Variants in PARPBP observed in about 807,000 individuals in gnomAD.
The protein encoded by PARPBP is PCNA-interacting partner.
In PARPBP, 52 loss-of-function variants were observed where a neutral mutation model predicts 50.0. The ratio of observed to expected loss-of-function variants is 1.04; its 90% CI spans 0.83 to 1.31. PARPBP has a LOEUF of 1.31. PARPBP is among the 50% of genes most tolerant of loss of function. The pLI is 0.00. For missense variants in PARPBP, 697 were observed against 672.0 expected (o/e 1.04, Z -0.41); for synonymous variants, 244 against 232.1 (o/e 1.05, Z -0.47).
chr12:102,186,750 A>G (rs1890338579), intron 9 of PARPBP, among the ~76,000 whole-genome samples: 1 of 152,104 alleles, frequency 6.6e-6, no homozygotes, highest in South Asian at 2.1e-4. Flanking sequence ...CCTTATTCTG[A>G]GTCTAATGTT....
At chr12:102,193,178 G>A (rs1382929390) in intron 9 of PARPBP, among the ~76,000 whole-genome samples, 4 of 151,756 alleles carry the variant, frequency 2.6e-5, no homozygotes, top group East Asian at 1.9e-4. Flanking sequence ...GAGCTATTGC[G>A]CTTATTTTGT....
chr12:102,192,183 T>C (rs1194678148), intron 9 of PARPBP, among the ~76,000 whole-genome samples: 7 of 152,158 alleles, frequency 4.6e-5, no homozygotes, highest in Non-Finnish European at 1.0e-4. Context: ...TTCTGAGATA[T>C]CTAATTGAAC....
At chr12:102,178,829 A>C in intron 8 of PARPBP, 59 bp downstream of exon 8, 1 of 1,136,898 alleles carries the variant, frequency 8.8e-7, no homozygotes, top group Non-Finnish European at 1.2e-6. Context: ...TTATAAAAGA[A>C]ATGTATGCTT....
intron 2 of PARPBP, among the ~76,000 whole-genome samples, chr12:102,145,781 G>T (rs188756592): frequency 7.1e-4 from 108 of 152,212 alleles, no homozygotes; most frequent in African/African-American, 2.5e-3. Flanking sequence ...CTTATAGAAA[G>T]AAACCTGTGT....
rs1240762359 is a variant in PARPBP, at chr12:102,196,990, C to T, written c.*699C>T. 1 of 1,611,212 alleles carries T rather than the reference C, an allele frequency of 6.2e-7. No individual in the cohort carries two copies. Among genetic ancestry groups the T allele is most frequent in the South Asian group, 1.1e-5 (1 of 90,986 alleles). ...CTACTCACTGTCAAAATCTCTCCTT[C>T]CTATAGGAAATTTAGCTGAGTTTTC... On this transcript the variant is annotated 3_prime_UTR_variant, in exon 11 of 11. Transcript: ENST00000327680.
chr12:102,123,144 AAAT>A (rs1254698388), intron 1 of PARPBP, among the ~76,000 whole-genome samples: 1 of 152,202 alleles, frequency 6.6e-6, no homozygotes, highest in African/African-American at 2.4e-5. Flanking sequence ...ATTGGGGGCT[AAAT>A]GCAAAGGCAT....
chr12:102,195,551 G>T (rs1461872751), intron 10 of PARPBP, 104 bp downstream of exon 10: 26 of 827,518 alleles, frequency 3.1e-5, no homozygotes, highest in Non-Finnish European at 5.0e-5. Context: ...ACTATGAAAT[G>T]TAAAGGGTAA....
At chr12:102,134,823 C>A (rs1409645245) in intron 2 of PARPBP, among the ~76,000 whole-genome samples, 1 of 152,078 alleles carries the variant, frequency 6.6e-6, no homozygotes, top group East Asian at 1.9e-4. Flanking sequence ...ACTACAGGTA[C>A]GTACCACCAT....
chr12:102,167,202 T>C (rs972483679), intron 6 of PARPBP, among the ~76,000 whole-genome samples: 1 of 152,190 alleles, frequency 6.6e-6, no homozygotes, highest in Non-Finnish European at 1.5e-5. Context: ...TTTTAATTGG[T>C]AAACCCCTTA....
intron 9 of PARPBP, among the ~76,000 whole-genome samples, chr12:102,183,419 A>G (rs975502759): frequency 6.6e-6 from 1 of 152,136 alleles, no homozygotes; most frequent in African/African-American, 2.4e-5. Flanking sequence ...TAAATTACCA[A>G]AGCTTTTAGT....
chr12:102,123,197 G>A (rs894121260), intron 1 of PARPBP, among the ~76,000 whole-genome samples: 1 of 152,186 alleles, frequency 6.6e-6, no homozygotes, highest in Non-Finnish European at 1.5e-5. Flanking sequence ...ACTCGCAAGT[G>A]TTTAGCATAA....
chr12:102,171,127 C>T (rs1888674456), intron 6 of PARPBP, among the ~76,000 whole-genome samples: 1 of 151,136 alleles, frequency 6.6e-6, no homozygotes, highest in South Asian at 2.1e-4. Flanking sequence ...AAGGACCTGC[C>T]TGAGACTATT....
At chr12:102,138,903 G>A (rs1020755240) in intron 2 of PARPBP, among the ~76,000 whole-genome samples, 1 of 152,202 alleles carries the variant, frequency 6.6e-6, no homozygotes, top group Non-Finnish European at 1.5e-5. Context: ...TTGTAGTATA[G>A]TTTGAAGTCA....
chr12:102,140,105 T>C (rs1884328754), intron 2 of PARPBP, among the ~76,000 whole-genome samples: 1 of 151,778 alleles, frequency 6.6e-6, no homozygotes, highest in Non-Finnish European at 1.5e-5. Context: ...TGTGAATCCA[T>C]CTGGTCCTGG....
At chr12:102,164,925 T>G (rs1887984393) in intron 5 of PARPBP, among the ~76,000 whole-genome samples, 1 of 152,194 alleles carries the variant, frequency 6.6e-6, no homozygotes, top group South Asian at 2.1e-4. Flanking sequence ...GCAAAATGTT[T>G]AGAAGTAGTA....
At chr12:102,137,470 A>G (rs898353456) in intron 2 of PARPBP, among the ~76,000 whole-genome samples, 1 of 151,972 alleles carries the variant, frequency 6.6e-6, no homozygotes, top group African/African-American at 2.4e-5. Context: ...AAAATTTTTT[A>G]GCTTGAATTA....
At chr12:102,188,241 C>T (rs780647281) in intron 9 of PARPBP, among the ~76,000 whole-genome samples, 6 of 151,254 alleles carry the variant, frequency 4.0e-5, no homozygotes, top group Non-Finnish European at 7.4e-5. Flanking sequence ...AGAAGTGGGA[C>T]GTGCCTCAAA....
At chr12:102,192,975 A>G (rs551790768) in intron 9 of PARPBP, among the ~76,000 whole-genome samples, 3 of 151,698 alleles carry the variant, frequency 2.0e-5, no homozygotes, top group Non-Finnish European at 4.4e-5. Context: ...TTATATTTTA[A>G]TATATTTATA....
chr12:102,156,469 G>T (rs535087009), intron 4 of PARPBP, among the ~76,000 whole-genome samples: 1 of 151,964 alleles, frequency 6.6e-6, no homozygotes, highest in African/African-American at 2.4e-5. Flanking sequence ...TGGGATTACA[G>T]GTGTGAGCCA....
Sources: allele counts gnomAD v4.1 joint callset (sites outside exome capture counted in the v4.1 genomes callset), GRCh38; gene constraint gnomAD v4.1.1; transcripts MANE v1.5; gene names NCBI Gene and HGNC (gene_info 2026-07-23, HGNC 2026-07-21).